PCDHGA8: variants seen among roughly 807,000 people sequenced by gnomAD.
PCDHGA8 encodes the protein protocadherin gamma subfamily A, 8.
A neutral mutation model predicts 59.2 loss-of-function variants in PCDHGA8; 45 were observed. That is an observed-to-expected ratio of 0.76 (90% CI 0.60 to 0.98). The LOEUF (loss-of-function observed/expected upper bound fraction) is 0.98. Among genes scored for constraint, PCDHGA8 ranks in the 50% least tolerant of loss-of-function variants. The pLI is 0.00. For missense variants in PCDHGA8, 1,257 were observed against 1,196.2 expected (o/e 1.05, Z -0.75); for synonymous variants, 531 against 519.0 (o/e 1.02, Z -0.32).
intron 1 of PCDHGA8, among the ~76,000 whole-genome samples, chr5:141,437,228 A>C (rs1410620126): frequency 6.6e-6 from 1 of 152,228 alleles, no homozygotes; most frequent in Non-Finnish European, 1.5e-5. Context: ...CCAGTCATAA[A>C]ATTATGTCAA....
rs1246204844 is a variant in PCDHGA8, at chr5:141,419,493, A to T, written c.2424+24256A>T. On this transcript the variant is annotated intron_variant, in intron 1 of 3. Coordinates refer to ENST00000398604, the MANE Select transcript of PCDHGA8 (RefSeq NM_032088.2). ...CAGGGCTCGCCCGCGCTCAGCGCCA[A>T]TGTGAGCCTGCGCGTGTTGGTGGGC... 3 of 1,612,264 alleles carry T rather than the reference A, an allele frequency of 1.9e-6. No individual in the cohort carries two copies. The African/African-American group carries it at 4.0e-5, about 22-fold the overall frequency.
At position 141,403,424 on chromosome 5, in the gene PCDHGA8, A is replaced by G. The variant is rs771429615; in HGVS notation, c.2424+8187A>G. ...AGCACGTTATCCACTTCCAGAAGCT[A>G]TTGATCCGGATGTTGGCGTGAACTC... is the stretch of plus-strand genomic sequence containing the variant. On this transcript the variant is annotated intron_variant, in intron 1 of 3. Transcript: ENST00000398604. The G allele has an allele frequency of 3.1e-6, 5 of 1,613,932 alleles. No homozygotes were observed. In the African/African-American group the frequency reaches 4.0e-5, roughly 13 times the overall value.
In PCDHGA8 at chr5:141,511,335, A is replaced by T; in HGVS notation, c.*162A>T. 7.0e-7 allele frequency: 1 copy of T among 1,438,820 alleles called. No homozygotes were observed. The highest frequency in any genetic ancestry group is 9.2e-7 in the Non-Finnish European group (1 of 1,083,596). The allele number at this position is 1,438,820 out of a possible 1,614,324, so 89.1% of individuals were successfully genotyped here. A position where few individuals can be genotyped will look rare whatever the true frequency, so the allele number is the denominator to read the frequency against. On this transcript the variant is annotated 3_prime_UTR_variant, in exon 4 of 4. Coordinates refer to ENST00000398604, the MANE Select transcript of PCDHGA8 (RefSeq NM_032088.2). ...AAACAGAAACAAGTGCCCAGTCAGC[A>T]CCTACCCCTTCCCCCCCAGGGGGTT...
chr5:141,394,258 A>T lies in PCDHGA8; in HGVS notation c.1445A>T (p.Gln482Leu). The change falls in exon 1 of 4, where the codon CAG (glutamine) becomes CTG (leucine). Residue 482 changes from glutamine (Q) to leucine (L), a missense_variant. Coordinates refer to ENST00000398604, the MANE Select transcript of PCDHGA8 (RefSeq NM_032088.2). ...TTGACTGCACACGACCCCGACAGCCAGGAGAATGCCCAGGTCACTTACTCT... is the reference window on the plus strand; with the variant it reads ...TTGACTGCACACGACCCCGACAGCCTGGAGAATGCCCAGGTCACTTACTCT... ...FSLTAHDPDSQENAQVTYSVT... is the reference protein window; with the variant it reads ...FSLTAHDPDSLENAQVTYSVT... 6.2e-7 allele frequency: 1 copy of T among 1,613,912 alleles called. No individual in the cohort carries two copies. The highest frequency in any genetic ancestry group is 8.5e-7 in the Non-Finnish European group (1 of 1,179,858).
chr5:141,418,330 A>C (rs1346623372), intron 1 of PCDHGA8: 2 of 1,613,922 alleles, frequency 1.2e-6, no homozygotes, highest in Admixed American at 1.7e-5. Flanking sequence ...TTGAGTCTGC[A>C]GAAGATCCTG....
chr5:141,486,967 G>C lies in PCDHGA8; in HGVS notation c.2425-7840G>C. The C allele has an allele frequency of 6.2e-7, 1 of 1,614,202 alleles. No homozygotes were observed. Among genetic ancestry groups the C allele is most frequent in the Non-Finnish European group, 8.5e-7 (1 of 1,180,032 alleles). ...TCACAAAGGTGACTGCTGTGGACTT[G>C]GATTCAGGTTACAATGCTTGGGTTT... On this transcript the variant is annotated intron_variant, in intron 1 of 3. Transcript: ENST00000398604. The surrounding 1 kb of genome is among the most constrained non-coding windows in gnomAD (Gnocchi z 5.0).
At chr5:141,403,317 A>G (rs576274199) in intron 1 of PCDHGA8, 2 of 1,613,974 alleles carry the variant, frequency 1.2e-6, no homozygotes, top group South Asian at 2.2e-5. Flanking sequence ...ATAGAAATAG[A>G]AGTAACTGAT....
chr5:141,487,391 A>C lies in PCDHGA8; in HGVS notation c.2425-7416A>C. 1 of 1,614,090 alleles carries C rather than the reference A, an allele frequency of 6.2e-7. No homozygotes were observed. The highest frequency in any genetic ancestry group is 1.1e-5 in the South Asian group (1 of 91,078). ...TGCCTGTCTCACCAGATCTCGAAGG[A>C]GGGAGGGGCTTCCCCCTTCCAATGG... On this transcript the variant is annotated intron_variant, in intron 1 of 3. Transcript: ENST00000398604. The surrounding 1 kb of genome is among the most constrained non-coding windows in gnomAD (Gnocchi z 5.0).
chr5:141,448,122 C>A (rs1315243727), intron 1 of PCDHGA8, among the ~76,000 whole-genome samples: 1 of 151,820 alleles, frequency 6.6e-6, no homozygotes, highest in Non-Finnish European at 1.5e-5. Context: ...AAATTAGCCT[C>A]CCCCACCCTC....
intron 1 of PCDHGA8, 27 bp downstream of exon 1, chr5:141,395,264 A>T: frequency 1.3e-6 from 2 of 1,549,832 alleles, no homozygotes; most frequent in Non-Finnish European, 1.7e-6. Flanking sequence ...GCTTGCTTTT[A>T]ATTTCCAGAT....
At chr5:141,400,357 T>C (rs769075513) in intron 1 of PCDHGA8, 1 of 1,614,052 alleles carries the variant, frequency 6.2e-7, no homozygotes, top group Non-Finnish European at 8.5e-7. Flanking sequence ...TCAGGGGACT[T>C]TGCCTTATTC....
chr5:141,432,449 T>C lies in PCDHGA8; in HGVS notation c.2424+37212T>C. 5.6e-6 allele frequency: 9 copies of C among 1,614,220 alleles called. No individual in the cohort carries two copies. The highest frequency in any genetic ancestry group is 7.6e-6 in the Non-Finnish European group (9 of 1,180,038). On this transcript the variant is annotated intron_variant, in intron 1 of 3. Coordinates refer to ENST00000398604, the MANE Select transcript of PCDHGA8 (RefSeq NM_032088.2). The surrounding 1 kb of genome is among the most constrained non-coding windows in gnomAD (Gnocchi z 6.0). The stretch of plus-strand genomic sequence containing the variant: ...GAACGACAATGCGCCCGAGATCCTG[T>C]ACCCCGCCCTCCCCACGGACGGTTC...
intron 1 of PCDHGA8, among the ~76,000 whole-genome samples, chr5:141,443,592 G>A (rs2098395439): frequency 6.6e-6 from 1 of 152,076 alleles, no homozygotes; most frequent in Admixed American, 6.6e-5. Context: ...AACAGAATGT[G>A]GTATATGAAA....
At chr5:141,423,360 G>A (rs762976655) in intron 1 of PCDHGA8, 1 of 1,614,224 alleles carries the variant, frequency 6.2e-7, no homozygotes, top group Non-Finnish European at 8.5e-7. Context: ...TTGTCATCGT[G>A]CTGCTGGCAC....
At chr5:141,483,801 C>CT (rs1486591615) in intron 1 of PCDHGA8, among the ~76,000 whole-genome samples, 8 of 152,168 alleles carry the variant, frequency 5.3e-5, no homozygotes, top group Non-Finnish European at 8.8e-5. Flanking sequence ...GTTGTTGCTG[C>CT]TTTTTTTGGC....
At chr5:141,422,714 C>T (rs2096666670) in intron 1 of PCDHGA8, 1 of 1,603,720 alleles carries the variant, frequency 6.2e-7, no homozygotes, top group South Asian at 1.1e-5. Flanking sequence ...ACGGATGACA[C>T]TGTCCAGGGG....
intron 1 of PCDHGA8, chr5:141,423,556 G>A (rs926962652): frequency 2.5e-6 from 4 of 1,613,550 alleles, no homozygotes; most frequent in African/African-American, 2.7e-5. Flanking sequence ...GCCCAACTAT[G>A]GGGACACGCT....
At chr5:141,452,831 G>A (rs1184490491) in intron 1 of PCDHGA8, among the ~76,000 whole-genome samples, 1 of 152,104 alleles carries the variant, frequency 6.6e-6, no homozygotes, top group Non-Finnish European at 1.5e-5. Flanking sequence ...AAAATCACTT[G>A]GTCCAGCCCA....
intron 2 of PCDHGA8, among the ~76,000 whole-genome samples, chr5:141,505,026 G>A (rs190826538): frequency 4.6e-5 from 7 of 152,316 alleles, no homozygotes; most frequent in African/African-American, 1.7e-4. Context: ...GCCTGGCACA[G>A]TGGCAGGTGC....
Sources: allele counts gnomAD v4.1 joint callset (sites outside exome capture counted in the v4.1 genomes callset), GRCh38; gene constraint gnomAD v4.1.1; non-coding constraint Gnocchi (gnomAD v3.1); transcripts MANE v1.5; gene names NCBI Gene and HGNC (gene_info 2026-07-23, HGNC 2026-07-21).